Variants in PTTG1IP observed in about 807,000 individuals in gnomAD.
PTTG1IP encodes the protein pituitary tumor-transforming gene 1 protein-interacting protein.
In PTTG1IP, 16 loss-of-function variants were observed where a neutral mutation model predicts 24.4. The ratio of observed to expected loss-of-function variants is 0.66; its 90% CI spans 0.44 to 1.00. The LOEUF is 1.00. Ranked by LOEUF, PTTG1IP falls within the 50% of genes least tolerant of loss-of-function variation. The pLI is 0.00. For synonymous variants in PTTG1IP, 89 were observed against 96.8 expected, an observed-to-expected ratio of 0.92 and a Z score of 0.47; for missense variants, 241 against 245.8, an observed-to-expected ratio of 0.98 and a Z score of 0.13.
At chr21:44,866,585 T>C (rs1601256261) in intron 1 of PTTG1IP, among the ~76,000 whole-genome samples, 1 of 89,610 alleles carries the variant, frequency 1.1e-5, no homozygotes, top group Admixed American at 1.5e-4. Context: ...ACTCCCCCAA[T>C]CCCATAACAC....
In PTTG1IP at chr21:44,851,320, AT is replaced by A. The variant is rs1037977586; in HGVS notation, c.*260del. On this transcript the variant is annotated 3_prime_UTR_variant, in exon 6 of 6. Coordinates refer to ENST00000330938, the MANE Select transcript of PTTG1IP (RefSeq NM_004339.4). ...TAGCGTTTCACAAACTGAGAAGAGT[AT>A]AAAAAAGCCCAAACCCCAAAGATTT... 1 of 1,487,166 alleles carries A rather than the reference AT, an allele frequency of 6.7e-7. No individual in the cohort carries two copies. Among genetic ancestry groups the A allele is most frequent in the Non-Finnish European group, 9.0e-7 (1 of 1,115,864 alleles). The allele number at this position is 1,487,166 out of a possible 1,614,324, so 92.1% of individuals were successfully genotyped here.
At position 44,850,333 on chromosome 21, in the gene PTTG1IP, C is replaced by A. The variant is rs1050982952; in HGVS notation, c.*1248G>T. 1 of 152,244 alleles carries A rather than the reference C, an allele frequency of 6.6e-6. No individual in the cohort carries two copies. Among genetic ancestry groups the A allele is most frequent in the African/African-American group, 2.4e-5 (1 of 41,464 alleles). 9.4% of individuals were successfully genotyped at this position (152,244 alleles called of 1,614,324 possible). A position where few individuals can be genotyped will look rare whatever the true frequency, so the allele number is the denominator to read the frequency against. ...AGCACTTTTCAGTGACTTCCCCGCA[C>A]GCTGCTTTCCCTGCCACGAAGCGCT... On this transcript the variant is annotated 3_prime_UTR_variant, in exon 6 of 6. Coordinates refer to ENST00000330938, the MANE Select transcript of PTTG1IP (RefSeq NM_004339.4).
At chr21:44,855,925 G>A (rs1407990265) in intron 4 of PTTG1IP, among the ~76,000 whole-genome samples, 1 of 152,182 alleles carries the variant, frequency 6.6e-6, no homozygotes, top group East Asian at 1.9e-4. Flanking sequence ...TCACACACCC[G>A]TGTCACCGCG....
In PTTG1IP at chr21:44,851,487, C is replaced by G; in HGVS notation, c.*94G>C. ...GGCTGGCAGGTTCACTGGCCAAGGT[C>G]AGGAGACCGCAATGGCCACGTGGTC... On this transcript the variant is annotated 3_prime_UTR_variant, in exon 6 of 6. Transcript: ENST00000330938. 2.5e-6 allele frequency: 4 copies of G among 1,613,226 alleles called. No individual in the cohort carries two copies. Among genetic ancestry groups the G allele is most frequent in the Non-Finnish European group, 3.4e-6 (4 of 1,179,964 alleles).
rs2083396994 is a variant in PTTG1IP, at chr21:44,849,613, T to G, written c.*1968A>C. The G allele has an allele frequency of 6.6e-6, 1 of 152,552 alleles. No homozygotes were observed. Among genetic ancestry groups the G allele is most frequent in the African/African-American group, 2.4e-5 (1 of 41,418 alleles). 9.4% of individuals were successfully genotyped at this position (152,552 alleles called of 1,614,324 possible). A position where few individuals can be genotyped will look rare whatever the true frequency, so the allele number is the denominator to read the frequency against. On this transcript the variant is annotated 3_prime_UTR_variant, in exon 6 of 6. Coordinates refer to ENST00000330938, the MANE Select transcript of PTTG1IP (RefSeq NM_004339.4). The stretch of plus-strand genomic sequence containing the variant: ...TAAACACACGCAGGTAGTAAACCGT[T>G]TTATTGGAAACTGGTTAAAAATTAA...
chr21:44,852,212 T>A (rs1422361490), intron 5 of PTTG1IP, among the ~76,000 whole-genome samples: 4 of 152,076 alleles, frequency 2.6e-5, no homozygotes, highest in African/African-American at 9.7e-5. Context: ...GACAGAGTTT[T>A]GCTCTTGTTG....
chr21:44,855,748 C>T (rs2083444746), intron 4 of PTTG1IP, among the ~76,000 whole-genome samples: 1 of 151,918 alleles, frequency 6.6e-6, no homozygotes, highest in African/African-American at 2.4e-5. Context: ...ATTACACCAC[C>T]TCCTCCTGGG....
At chr21:44,856,152 C>T in intron 4 of PTTG1IP, 41 bp downstream of exon 4, 2 of 1,613,696 alleles carry the variant, frequency 1.2e-6, no homozygotes, top group Non-Finnish European at 1.7e-6. Context: ...ATCTGAATCC[C>T]CTCGAAGTAA....
chr21:44,867,203 C>T (rs937251779), intron 1 of PTTG1IP, among the ~76,000 whole-genome samples: 5 of 152,216 alleles, frequency 3.3e-5, no homozygotes, highest in African/African-American at 1.2e-4. Context: ...GGCTGTTTTA[C>T]GTGTCTCTCC....
intron 1 of PTTG1IP, among the ~76,000 whole-genome samples, chr21:44,866,655 C>A (rs1282784386): frequency 6.9e-6 from 1 of 144,364 alleles, no homozygotes; most frequent in Non-Finnish European, 1.5e-5. Flanking sequence ...CACACACACA[C>A]ACAGACTGCC....
At chr21:44,861,680 G>C (rs1177912440) in intron 2 of PTTG1IP, 2 of 714,424 alleles carry the variant, frequency 2.8e-6, no homozygotes, top group Non-Finnish European at 5.2e-6. Context: ...GCCCTGCCTC[G>C]ATCAACAGAC....
intron 1 of PTTG1IP, among the ~76,000 whole-genome samples, chr21:44,871,433 T>C (rs555829496): frequency 1.3e-5 from 2 of 151,910 alleles, no homozygotes; most frequent in South Asian, 4.1e-4. Context: ...ACAAATAAAG[T>C]GGGGTCCAAA....
intron 3 of PTTG1IP, among the ~76,000 whole-genome samples, chr21:44,860,131 G>A (rs866427549): frequency 6.6e-5 from 10 of 152,190 alleles, no homozygotes; most frequent in Admixed American, 1.3e-4. Flanking sequence ...CACTTTGGGA[G>A]GCTGAGGTGG....
At chr21:44,866,398 CAG>C (rs1176154012) in intron 1 of PTTG1IP, among the ~76,000 whole-genome samples, 4 of 99,952 alleles carry the variant, frequency 4.0e-5, no homozygotes, top group Admixed American at 1.2e-4. Context: ...CACACACACA[CAG>C]AGACTGCCTA....
chr21:44,857,375 G>A (rs1453019298), intron 3 of PTTG1IP, among the ~76,000 whole-genome samples: 1 of 152,248 alleles, frequency 6.6e-6, no homozygotes, highest in South Asian at 2.1e-4. Flanking sequence ...TGGTCCCAGC[G>A]ACATGGGAGG....
chr21:44,867,196 T>A (rs1346718835), intron 1 of PTTG1IP, among the ~76,000 whole-genome samples: 1 of 152,222 alleles, frequency 6.6e-6, no homozygotes, highest in Non-Finnish European at 1.5e-5. Context: ...CACAAAAGGC[T>A]GTTTTACGTG....
intron 5 of PTTG1IP, among the ~76,000 whole-genome samples, chr21:44,854,016 G>A (rs919483207): frequency 6.6e-6 from 1 of 152,098 alleles, no homozygotes; most frequent in East Asian, 1.9e-4. Flanking sequence ...CCGGCCAGTG[G>A]GCAGAGCCAC....
chr21:44,864,688 C>T (rs1024992394), intron 2 of PTTG1IP, among the ~76,000 whole-genome samples: 4 of 152,240 alleles, frequency 2.6e-5, no homozygotes, highest in African/African-American at 9.6e-5. Context: ...TGAGCCACTG[C>T]ACCCAGCCCT....
intron 4 of PTTG1IP, 147 bp downstream of exon 4, chr21:44,856,046 C>T (rs977186895): frequency 3.2e-5 from 48 of 1,505,628 alleles, no homozygotes; most frequent in South Asian, 5.1e-5. Flanking sequence ...CTCTCTACCA[C>T]GACCTAGAAG....
Sources: gnomAD v4.1 joint callset for allele counts (sites outside exome capture counted in the v4.1 genomes callset) on GRCh38, gnomAD v4.1.1 for gene constraint, MANE v1.5 for transcripts, NCBI Gene and HGNC (gene_info 2026-07-23, HGNC 2026-07-21) for gene names.